PDE1C: variants seen among roughly 807,000 people sequenced by gnomAD.
PDE1C encodes the protein dual specificity calcium/calmodulin-dependent 3',5'-cyclic nucleotide phosphodiesterase 1C.
Under a neutral mutation model 93.1 loss-of-function variants are expected in PDE1C, and 62 were observed. That is an observed-to-expected ratio of 0.67 (90% CI 0.54 to 0.82). The LOEUF is 0.82. Ranked by LOEUF, PDE1C falls within the 40% of genes least tolerant of loss-of-function variation. PDE1C has a pLI of 0.00. For missense variants in PDE1C, 742 were observed against 884.6 expected (o/e 0.84, Z 2.04); for synonymous variants, 325 against 310.1 (o/e 1.05, Z -0.50).
rs181634994 is a variant in PDE1C at position 32,274,617 on chromosome 7, A to G, written c.85+24034T>C. Reference sequence around the variant, plus strand: ...TTTAAATCAGGGTTTAAGGACTGTTATGACTAGATCAGCTTCAGCATCCAT... The same window carrying G: ...TTTAAATCAGGGTTTAAGGACTGTTGTGACTAGATCAGCTTCAGCATCCAT... On this transcript the variant is annotated intron_variant, in intron 1 of 18. Coordinates refer to the PDE1C transcript ENST00000396193. Among the ~76,000 whole-genome samples, 46 of 152,308 alleles carry G rather than the reference A, an allele frequency of 3.0e-4. 1 individual carries two copies. The highest frequency in any genetic ancestry group is 1.1e-3 in the African/African-American group (44 of 41,554).
At chr7:31,711,898 C>G in the PDE1C span, among the ~76,000 whole-genome samples, 1 of 152,184 alleles carries the variant, frequency 6.6e-6, no homozygotes, top group Non-Finnish European at 1.5e-5. Flanking sequence ...GCTTTGGATT[C>G]CAGTGACACT....
chr7:32,208,877 C>A (rs2128840884), intron 2 of PDE1C, among the ~76,000 whole-genome samples: 1 of 152,284 alleles, frequency 6.6e-6, no homozygotes, highest in East Asian at 1.9e-4. Context: ...CATGGCCTAA[C>A]CACAGCCCTA....
chr7:32,098,645 G>A (rs1048496484), intron 3 of PDE1C, among the ~76,000 whole-genome samples: 1 of 152,120 alleles, frequency 6.6e-6, no homozygotes, highest in African/African-American at 2.4e-5. Context: ...TATTACGTTG[G>A]AGATATTTAG....
intron 2 of PDE1C, among the ~76,000 whole-genome samples, chr7:31,910,594 T>C (rs1194738685): frequency 6.6e-6 from 1 of 152,212 alleles, no homozygotes; most frequent in Non-Finnish European, 1.5e-5. Flanking sequence ...TGTAATAGGT[T>C]CTTATTCAAG....
chr7:32,210,908 C>T (rs560985029), intron 1 of PDE1C, among the ~76,000 whole-genome samples: 1 of 152,200 alleles, frequency 6.6e-6, no homozygotes, highest in South Asian at 2.1e-4. Flanking sequence ...TGTCACACCG[C>T]AGCATTTCAA....
the PDE1C span, among the ~76,000 whole-genome samples, chr7:31,690,424 T>A: frequency 1.3e-5 from 2 of 152,324 alleles, no homozygotes; most frequent in African/African-American, 4.8e-5. Context: ...TGTTTCTGGG[T>A]GCCAGACTGT....
At chr7:31,784,268 G>T (rs552087162) in intron 16 of PDE1C, 7 of 152,098 alleles carry the variant, frequency 4.6e-5, no homozygotes, top group Non-Finnish European at 1.0e-4. Context: ...AGGGTGCTAC[G>T]CATCCTAAAG....
intron 2 of PDE1C, among the ~76,000 whole-genome samples, chr7:32,041,517 AG>A (rs1791808176): frequency 6.6e-6 from 1 of 152,242 alleles, no homozygotes; most frequent in Admixed American, 6.5e-5. Flanking sequence ...GGAAAAATTC[AG>A]GCAGTGACCT....
At chr7:32,260,525 C>T (rs908361016) in intron 1 of PDE1C, among the ~76,000 whole-genome samples, 5 of 152,140 alleles carry the variant, frequency 3.3e-5, no homozygotes, top group African/African-American at 1.2e-4. Flanking sequence ...TGGAGGGCAG[C>T]CCTCTGTGGG....
chr7:32,236,697 A>C (rs1808107193), intron 1 of PDE1C, among the ~76,000 whole-genome samples: 1 of 152,254 alleles, frequency 6.6e-6, no homozygotes, highest in Non-Finnish European at 1.5e-5. Flanking sequence ...TGGAATTCTC[A>C]ACTCCTGCTA....
In PDE1C at chr7:32,174,068, A is replaced by AT. The variant is rs370978952; in HGVS notation, c.137-4113dup. ...TGTTTTTTAAGGGCCCTACACATAT[A>AT]TCTTAATAAGATATGGTCCTATTAA... On this transcript the variant is annotated intron_variant, in intron 2 of 18. Transcript: ENST00000396193. 1.1e-3 allele frequency among the ~76,000 whole-genome samples: 172 copies of AT among 152,274 alleles called. 2 individuals carry two copies. Among genetic ancestry groups the AT allele is most frequent in the African/African-American group, 3.9e-3 (164 of 41,542 alleles).
chr7:31,643,773 A>G, the PDE1C span: 1 of 1,613,944 alleles, frequency 6.2e-7, no homozygotes, highest in Non-Finnish European at 8.5e-7. Context: ...GCCATGCTAT[A>G]CCTGCCCACT....
the PDE1C span, among the ~76,000 whole-genome samples, chr7:31,666,271 T>C: frequency 2.0e-5 from 3 of 152,342 alleles, no homozygotes; most frequent in East Asian, 5.8e-4. Flanking sequence ...GTATACTTTA[T>C]TGGCCTATGA....
At chr7:32,236,795 C>T (rs556406336) in intron 1 of PDE1C, among the ~76,000 whole-genome samples, 2 of 152,040 alleles carry the variant, frequency 1.3e-5, no homozygotes, top group Non-Finnish European at 2.9e-5. Context: ...AAGTTTTTAT[C>T]CTAAAGAAAT....
intron 1 of PDE1C, among the ~76,000 whole-genome samples, chr7:32,307,199 C>T (rs550228238): frequency 3.9e-5 from 6 of 152,114 alleles, no homozygotes; most frequent in South Asian, 4.2e-4. Flanking sequence ...TTGCTCATTA[C>T]GAAGCCCAAT....
chr7:31,942,504 T>C (rs1415917107), intron 2 of PDE1C, among the ~76,000 whole-genome samples: 1 of 152,138 alleles, frequency 6.6e-6, no homozygotes, highest in Non-Finnish European at 1.5e-5. Context: ...ATGACATGAA[T>C]TTAAACTAAT....
chr7:31,651,005 T>C, the PDE1C span: 1 of 888,712 alleles, frequency 1.1e-6, no homozygotes, highest in African/African-American at 1.7e-5. Context: ...GCTCTTCCTA[T>C]TCCCTCCCCC....
chr7:31,945,372 T>C (rs906312968), intron 2 of PDE1C, among the ~76,000 whole-genome samples: 1 of 152,182 alleles, frequency 6.6e-6, no homozygotes, highest in Non-Finnish European at 1.5e-5. Flanking sequence ...ACCTGTATCA[T>C]TGTTCTCCTG....
intron 3 of PDE1C, among the ~76,000 whole-genome samples, chr7:32,103,672 T>C (rs956096522): frequency 6.6e-6 from 1 of 152,146 alleles, no homozygotes; most frequent in Non-Finnish European, 1.5e-5. Flanking sequence ...TGCTCTTAAA[T>C]ACAAACGGAC....
Sources: gnomAD v4.1 joint callset for allele counts (sites outside exome capture counted in the v4.1 genomes callset) on GRCh38, gnomAD v4.1.1 for gene constraint, MANE v1.5 for transcripts, NCBI Gene and HGNC (gene_info 2026-07-23, HGNC 2026-07-21) for gene names.